The following ST18 variants were observed in gnomAD, a reference collection of about 807,000 sequenced individuals.
ST18 encodes the protein suppression of tumorigenicity 18 protein.
In ST18, 50 loss-of-function variants were observed where a neutral mutation model predicts 110.0. The observed-to-expected ratio is 0.45, with a 90% CI of 0.36 to 0.58. The LOEUF is 0.58. Among genes scored for constraint, ST18 ranks in the 20% least tolerant of loss-of-function variants. The pLI is 0.00. For missense variants in ST18, 1,306 were observed against 1,280.1 expected, an observed-to-expected ratio of 1.02 and a Z score of -0.31; for synonymous variants, 461 against 452.4, an observed-to-expected ratio of 1.02 and a Z score of -0.24.
intron 2 of ST18, among the ~76,000 whole-genome samples, chr8:52,389,584 C>T (rs968567244): frequency 1.3e-5 from 2 of 152,166 alleles, no homozygotes; most frequent in African/African-American, 4.8e-5. Flanking sequence ...CGGGGAGGAA[C>T]CTGCCTTGAA....
intron 2 of ST18, among the ~76,000 whole-genome samples, chr8:52,376,402 C>A (rs1044432891): frequency 2.6e-5 from 4 of 152,194 alleles, no homozygotes; most frequent in Non-Finnish European, 4.4e-5. Context: ...TCCCAGGAGG[C>A]TGCTCAGCTG....
chr8:52,330,640 C>A (rs1162708569), intron 2 of ST18, among the ~76,000 whole-genome samples: 1 of 152,194 alleles, frequency 6.6e-6, no homozygotes, highest in Non-Finnish European at 1.5e-5. Context: ...ACAGCTTCCA[C>A]GCATTATGAC....
chr8:52,222,859 T>A (rs2087481410), intron 3 of ST18, among the ~76,000 whole-genome samples: 1 of 152,364 alleles, frequency 6.6e-6, no homozygotes, highest in East Asian at 1.9e-4. Context: ...TTGAAGGCAG[T>A]TAACCTAAGA....
At chr8:52,242,414 G>A (rs560636485) in intron 2 of ST18, among the ~76,000 whole-genome samples, 12 of 152,300 alleles carry the variant, frequency 7.9e-5, no homozygotes, top group South Asian at 2.1e-4. Context: ...CAGCCCCGGC[G>A]CATCACAGGC....
At chr8:52,329,212 T>G (rs1275000248) in intron 2 of ST18, among the ~76,000 whole-genome samples, 1 of 144,464 alleles carries the variant, frequency 6.9e-6, no homozygotes, top group African/African-American at 2.7e-5. Context: ...TTCCTATGCA[T>G]GTATTTATGT....
intron 2 of ST18, among the ~76,000 whole-genome samples, chr8:52,366,888 G>A (rs1828183137): frequency 2.0e-5 from 3 of 152,050 alleles, no homozygotes; most frequent in South Asian, 4.2e-4. Flanking sequence ...AGAAAATAGC[G>A]GGCCACAGTA....
chr8:52,165,732 C>A (rs967489373), intron 11 of ST18, among the ~76,000 whole-genome samples: 1 of 152,216 alleles, frequency 6.6e-6, no homozygotes. Context: ...GCCAGAGAAC[C>A]AGTCTGAGGA....
chr8:52,188,369 T>C (rs555063870), intron 8 of ST18, among the ~76,000 whole-genome samples: 2 of 152,132 alleles, frequency 1.3e-5, no homozygotes, highest in East Asian at 3.9e-4. Context: ...GGGCACAGGA[T>C]TGCAGGCAGC....
chr8:52,366,476 A>G (rs962520854), intron 2 of ST18, among the ~76,000 whole-genome samples: 1 of 151,766 alleles, frequency 6.6e-6, no homozygotes, highest in Non-Finnish European at 1.5e-5. Flanking sequence ...CTCACTGCCC[A>G]CTCCAATAAT....
At chr8:52,303,528 T>C (rs2095763221) in intron 2 of ST18, among the ~76,000 whole-genome samples, 1 of 152,176 alleles carries the variant, frequency 6.6e-6, no homozygotes, top group African/African-American at 2.4e-5. Context: ...TTTGGGGGCA[T>C]GCGATTCAGC....
At chr8:52,375,748 C>T (rs1004442816) in intron 2 of ST18, among the ~76,000 whole-genome samples, 1 of 152,172 alleles carries the variant, frequency 6.6e-6, no homozygotes, top group East Asian at 1.9e-4. Context: ...ACACTCACAT[C>T]GACTGCCTAT....
chr8:52,261,835 G>T (rs1182541082), intron 2 of ST18, among the ~76,000 whole-genome samples: 2 of 152,096 alleles, frequency 1.3e-5, no homozygotes, highest in Non-Finnish European at 2.9e-5. Flanking sequence ...CTCATTCCAG[G>T]TCATCCTATT....
chr8:52,208,580 A>G (rs2080970892), intron 8 of ST18, among the ~76,000 whole-genome samples: 1 of 152,244 alleles, frequency 6.6e-6, no homozygotes, highest in Non-Finnish European at 1.5e-5. Context: ...TAATCCCAGC[A>G]CTTTGGGAGG....
intron 2 of ST18, among the ~76,000 whole-genome samples, chr8:52,371,751 T>A (rs571954230): frequency 1.8e-4 from 28 of 151,956 alleles, no homozygotes; most frequent in Non-Finnish European, 3.8e-4. Context: ...TATAATGGAG[T>A]TGGAAAACTC....
At chr8:52,131,907 G>A in intron 22 of ST18, 51 bp downstream of exon 22, 1 of 1,586,182 alleles carries the variant, frequency 6.3e-7, no homozygotes, top group Non-Finnish European at 8.6e-7. Context: ...AGGCAGCCTA[G>A]GCGACAACCG....
At chr8:52,314,029 A>C (rs555240669) in intron 2 of ST18, among the ~76,000 whole-genome samples, 2 of 152,314 alleles carry the variant, frequency 1.3e-5, no homozygotes, top group East Asian at 3.9e-4. Flanking sequence ...CGCAGCTCTC[A>C]AGCCAAGGCC....
At chr8:52,225,799 A>T (rs549872515) in intron 3 of ST18, among the ~76,000 whole-genome samples, 1 of 152,360 alleles carries the variant, frequency 6.6e-6, no homozygotes, top group South Asian at 2.1e-4. Flanking sequence ...GAAGACACAA[A>T]TGTACAGTGA....
intron 22 of ST18, among the ~76,000 whole-genome samples, chr8:52,131,580 T>A (rs977549550): frequency 1.3e-5 from 2 of 152,164 alleles, no homozygotes; most frequent in Admixed American, 1.3e-4. Flanking sequence ...ACAGAGGGAA[T>A]GCTATAAATA....
At chr8:52,383,376 A>G (rs1284987914) in intron 2 of ST18, among the ~76,000 whole-genome samples, 1 of 152,186 alleles carries the variant, frequency 6.6e-6, no homozygotes, top group African/African-American at 2.4e-5. Context: ...AACACATAAA[A>G]TGATCTGAAA....
Sources: allele counts gnomAD v4.1 joint callset (sites outside exome capture counted in the v4.1 genomes callset), GRCh38; gene constraint gnomAD v4.1.1; transcripts MANE v1.5; gene names NCBI Gene and HGNC (gene_info 2026-07-23, HGNC 2026-07-21).